The following C3orf85 variants were observed in gnomAD, a reference collection of about 807,000 sequenced individuals.
The protein encoded by C3orf85 is chromosome 3 open reading frame 85.
Under a neutral mutation model 1.7 loss-of-function variants are expected in C3orf85, and 1 was observed. That is an observed-to-expected ratio of 0.60 (90% confidence interval 0.21 to 2.86). C3orf85 has a LOEUF of 2.86. Ranked by LOEUF, C3orf85 falls within the 30% of genes most tolerant of loss-of-function variation. The pLI, the probability that C3orf85 is intolerant of heterozygous loss-of-function variation, is 0.22. For synonymous variants in C3orf85, 17 were observed against 8.0 expected (o/e 2.13, Z -1.90); for missense variants, 29 against 21.3 (o/e 1.36, Z -0.72).
intron 2 of C3orf85, among the ~76,000 whole-genome samples, chr3:109,139,433 A>G (rs1460670047): frequency 6.6e-6 from 1 of 152,242 alleles, no homozygotes; most frequent in Non-Finnish European, 1.5e-5. Context: ...AATGGTGAAG[A>G]GTAGCAACAG....
intron 2 of C3orf85, among the ~76,000 whole-genome samples, chr3:109,138,707 T>C (rs1706706622): frequency 6.6e-6 from 1 of 152,148 alleles, no homozygotes; most frequent in Non-Finnish European, 1.5e-5. Context: ...CCAAAAACAA[T>C]GAAAGGCCTT....
chr3:109,146,627 T>C (rs1202259686), intron 2 of C3orf85, among the ~76,000 whole-genome samples: 1 of 152,170 alleles, frequency 6.6e-6, no homozygotes, highest in Non-Finnish European at 1.5e-5. Context: ...CCTTGTCATG[T>C]GGTCTTCTCC....
At chr3:109,144,539 G>A (rs530168309) in intron 2 of C3orf85, among the ~76,000 whole-genome samples, 173 of 152,098 alleles carry the variant, frequency 1.1e-3, no homozygotes, top group African/African-American at 4.0e-3. Context: ...AGATTGTATC[G>A]GTAAAACATT....
At chr3:109,137,032 A>G (rs1220461387) in intron 2 of C3orf85, 136 bp downstream of exon 2, 2 of 389,920 alleles carry the variant, frequency 5.1e-6, no homozygotes, top group Non-Finnish European at 9.0e-6. Flanking sequence ...AAACCAAACT[A>G]TTGTAGAAGG....
intron 2 of C3orf85, among the ~76,000 whole-genome samples, chr3:109,147,159 G>A (rs1304470100): frequency 6.6e-6 from 1 of 151,932 alleles, no homozygotes; most frequent in Non-Finnish European, 1.5e-5. Context: ...TTCCTTGACC[G>A]AGAAAACGCC....
intron 2 of C3orf85, among the ~76,000 whole-genome samples, chr3:109,137,859 A>G (rs998716397): frequency 2.6e-5 from 4 of 152,188 alleles, no homozygotes; most frequent in South Asian, 4.2e-4. Flanking sequence ...AGATGAAGAA[A>G]GTGAGGCTGG....
chr3:109,140,445 G>T (rs1706732789), intron 2 of C3orf85, among the ~76,000 whole-genome samples: 1 of 152,202 alleles, frequency 6.6e-6, no homozygotes, highest in South Asian at 2.1e-4. Flanking sequence ...GCTTCCGTGG[G>T]TCCACCCCTT....
chr3:109,142,634 T>C (rs1322838513), intron 2 of C3orf85, among the ~76,000 whole-genome samples: 2 of 152,020 alleles, frequency 1.3e-5, no homozygotes, highest in African/African-American at 2.4e-5. Flanking sequence ...AGGTTACATA[T>C]GGGAAATAAT....
chr3:109,141,264 G>A (rs1706740890), intron 2 of C3orf85, among the ~76,000 whole-genome samples: 2 of 152,168 alleles, frequency 1.3e-5, no homozygotes, highest in African/African-American at 4.8e-5. Flanking sequence ...TGGGATTATA[G>A]GTGTGAGCCA....
intron 3 of C3orf85, 126 bp downstream of exon 3, chr3:109,148,512 A>G (rs566537049): frequency 5.2e-5 from 33 of 629,596 alleles, no homozygotes; most frequent in Non-Finnish European, 8.0e-5. Flanking sequence ...ACTCTGAACT[A>G]TATCTGCTTT....
intron 2 of C3orf85, among the ~76,000 whole-genome samples, chr3:109,143,228 T>C (rs1486392785): frequency 1.3e-5 from 2 of 152,190 alleles, no homozygotes; most frequent in Admixed American, 1.3e-4. Flanking sequence ...CTGTATCTTA[T>C]TTTACCTTAG....
At chr3:109,137,637 G>GTATA (rs1553767249) in intron 2 of C3orf85, among the ~76,000 whole-genome samples, 4,666 of 79,818 alleles carry the variant, frequency 0.058, 180 homozygotes, top group South Asian at 0.075. Flanking sequence ...GTGTGTGTGT[G>GTATA]TATATATATA....
At chr3:109,142,115 G>A (rs1706749077) in intron 2 of C3orf85, among the ~76,000 whole-genome samples, 1 of 151,996 alleles carries the variant, frequency 6.6e-6, no homozygotes, top group South Asian at 2.1e-4. Context: ...TCACTAAATC[G>A]TATAACTCCC....
At chr3:109,140,571 T>C (rs1706734369) in intron 2 of C3orf85, among the ~76,000 whole-genome samples, 1 of 152,190 alleles carries the variant, frequency 6.6e-6, no homozygotes, top group Non-Finnish European at 1.5e-5. Flanking sequence ...AGAAAAACTG[T>C]TTTCCTACAC....
intron 2 of C3orf85, among the ~76,000 whole-genome samples, chr3:109,143,544 G>A (rs375285376): frequency 1.9e-4 from 29 of 152,008 alleles, no homozygotes; most frequent in African/African-American, 3.9e-4. Flanking sequence ...TCTGACTGTC[G>A]CAGTGCTAAA....
chr3:109,137,773 C>T (rs1706696862), intron 2 of C3orf85, among the ~76,000 whole-genome samples: 1 of 151,178 alleles, frequency 6.6e-6, no homozygotes, highest in African/African-American at 2.4e-5. Flanking sequence ...GTGATTGAAA[C>T]ATTTTTAGCC....
chr3:109,137,202 A>T (rs1173739645), intron 2 of C3orf85, among the ~76,000 whole-genome samples: 5 of 152,132 alleles, frequency 3.3e-5, no homozygotes, highest in African/African-American at 1.2e-4. Flanking sequence ...AGAAAATTTT[A>T]AAATATCTTT....
rs1553767249 is a variant in C3orf85 at position 109,137,637 on chromosome 3, G to GTATATATATATATATATA, written c.49+756_49+773dup. Among the ~76,000 whole-genome samples the GTATATATATATATATATA allele has an allele frequency of 6.3e-4, 50 of 79,886 alleles. 1 individual carries two copies. Among genetic ancestry groups the GTATATATATATATATATA allele is most frequent in the South Asian group, 2.2e-3 (4 of 1,780 alleles). The allele number at this position is 79,886 out of a possible 152,430, so 52.4% of individuals were successfully genotyped here. A position where few individuals can be genotyped will look rare whatever the true frequency, so the allele number is the denominator to read the frequency against. On this transcript the variant is annotated intron_variant, in intron 2 of 3. Transcript: ENST00000622536. ...TGTATATATGTGTGTGTGTGTGTGTGTATATATATATATATATATATATAT... is the reference window on the plus strand; with the variant it reads ...TGTATATATGTGTGTGTGTGTGTGTGTATATATATATATATATATATATATATATATATATATATATAT...
At chr3:109,141,321 G>A (rs1689839886) in intron 2 of C3orf85, among the ~76,000 whole-genome samples, 1 of 152,102 alleles carries the variant, frequency 6.6e-6, no homozygotes, top group South Asian at 2.1e-4. Flanking sequence ...ACTAGGATAT[G>A]AGAGCCGGTC....
Sources: allele counts gnomAD v4.1 joint callset (sites outside exome capture counted in the v4.1 genomes callset), GRCh38; gene constraint gnomAD v4.1.1; transcripts MANE v1.5; gene names NCBI Gene and HGNC (gene_info 2026-07-23, HGNC 2026-07-21).